Variants in CHRM3 observed in about 807,000 individuals in gnomAD.
CHRM3 encodes the protein muscarinic acetylcholine receptor M3.
A neutral mutation model predicts 41.8 loss-of-function variants in CHRM3; 11 were observed. The observed-to-expected ratio is 0.26, with a 90% CI of 0.17 to 0.44. The LOEUF (loss-of-function observed/expected upper bound fraction) is 0.44, where lower values mean the gene tolerates loss of function less well. Among genes scored for constraint, CHRM3 ranks in the 20% least tolerant of loss-of-function variants. CHRM3 has a pLI of 1.00. For synonymous variants in CHRM3, 297 were observed against 301.4 expected (o/e 0.99, Z 0.15); for missense variants, 571 against 745.4 (o/e 0.77, Z 2.72).
rs12074626 is a variant in CHRM3 at position 239,535,427 on chromosome 1, C to T, written c.-421-10214C>T. 7.9e-4 allele frequency among the ~76,000 whole-genome samples: 119 copies of T among 150,444 alleles called. 1 individual carries two copies. Among genetic ancestry groups the T allele is most frequent in the African/African-American group, 2.4e-3 (98 of 40,850 alleles). On this transcript the variant is annotated intron_variant, in intron 2 of 6. Transcript: ENST00000676153. ...AGTTTAGCTAGAATTTTGAGTGGAG[C>T]GCCAATCACCAAGTCTTACTTAAGA...
At chr1:239,859,413 G>T (rs1265432244) in intron 6 of CHRM3, among the ~76,000 whole-genome samples, 1 of 113,262 alleles carries the variant, frequency 8.8e-6, no homozygotes, top group Non-Finnish European at 1.8e-5. Context: ...TGTTGTTGTT[G>T]TTGTTGTTTT....
At chr1:239,619,203 C>T (rs1422240952) in intron 3 of CHRM3, among the ~76,000 whole-genome samples, 1 of 152,096 alleles carries the variant, frequency 6.6e-6, no homozygotes, top group Non-Finnish European at 1.5e-5. Flanking sequence ...ATGTGAGCCA[C>T]TGCGCCTGAC....
chr1:239,822,806 T>G (rs924972067), intron 5 of CHRM3, among the ~76,000 whole-genome samples: 26 of 152,242 alleles, frequency 1.7e-4, no homozygotes, highest in Non-Finnish European at 3.5e-4. Context: ...CATTAAGTTG[T>G]GCCTTTGTGG....
chr1:239,673,112 G>T (rs1674541052), intron 4 of CHRM3, among the ~76,000 whole-genome samples: 1 of 152,108 alleles, frequency 6.6e-6, no homozygotes. Context: ...AGACAGAATG[G>T]CTTCCCGGAG....
At chr1:239,607,513 A>G (rs1332447991) in intron 3 of CHRM3, among the ~76,000 whole-genome samples, 1 of 152,188 alleles carries the variant, frequency 6.6e-6, no homozygotes, top group African/African-American at 2.4e-5. Flanking sequence ...AATTAATTAT[A>G]GGGTCAGTTT....
At chr1:239,838,650 G>T (rs1056245448) in intron 6 of CHRM3, among the ~76,000 whole-genome samples, 1 of 152,328 alleles carries the variant, frequency 6.6e-6, no homozygotes, top group African/African-American at 2.4e-5. Context: ...TGGTCACAAA[G>T]CTGGTTAGTG....
chr1:239,602,166 G>A (rs922238227), intron 3 of CHRM3, among the ~76,000 whole-genome samples: 9 of 129,386 alleles, frequency 7.0e-5, no homozygotes, highest in East Asian at 6.9e-4. Context: ...ACACAGTTTC[G>A]CTCTGTCTCC....
chr1:239,874,964 G>A (rs1257784274), intron 6 of CHRM3, among the ~76,000 whole-genome samples: 3 of 152,108 alleles, frequency 2.0e-5, no homozygotes, highest in African/African-American at 7.2e-5. Context: ...CTCCCAAAGT[G>A]CTGGGATTAC....
chr1:239,847,753 C>G (rs1674387245), intron 6 of CHRM3, among the ~76,000 whole-genome samples: 1 of 151,676 alleles, frequency 6.6e-6, no homozygotes, highest in African/African-American at 2.4e-5. Context: ...CAGACACAAA[C>G]ACATACAAAA....
intron 6 of CHRM3, among the ~76,000 whole-genome samples, chr1:239,889,482 G>T (rs779079012): frequency 3.9e-5 from 6 of 152,082 alleles, no homozygotes; most frequent in Non-Finnish European, 8.8e-5. Context: ...AGCTGCCGGC[G>T]TTCCCCTGTA....
intron 3 of CHRM3, among the ~76,000 whole-genome samples, chr1:239,580,605 C>T (rs999963284): frequency 4.7e-5 from 7 of 149,318 alleles, no homozygotes; most frequent in Admixed American, 6.8e-5. Context: ...CCAGACCTAT[C>T]GTCAGAATCT....
At chr1:239,749,088 T>C (rs1263716861) in intron 5 of CHRM3, among the ~76,000 whole-genome samples, 1 of 152,218 alleles carries the variant, frequency 6.6e-6, no homozygotes, top group East Asian at 1.9e-4. Flanking sequence ...TACATATTTA[T>C]TTTTCTCCTC....
chr1:239,570,357 C>T (rs573380323), intron 3 of CHRM3, among the ~76,000 whole-genome samples: 8 of 152,158 alleles, frequency 5.3e-5, no homozygotes, highest in Non-Finnish European at 1.2e-4. Context: ...AGTTAAACCT[C>T]ATTCCTTTGT....
intron 1 of CHRM3, among the ~76,000 whole-genome samples, chr1:239,424,828 T>C (rs901223015): frequency 6.6e-6 from 1 of 152,192 alleles, no homozygotes; most frequent in African/African-American, 2.4e-5. Flanking sequence ...TAGGGCTCTT[T>C]AAGCCACATC....
intron 5 of CHRM3, among the ~76,000 whole-genome samples, chr1:239,810,706 G>A (rs6690809): frequency 0.44 from 66,798 of 152,128 alleles, 16,268 homozygotes; most frequent in South Asian, 0.56. Context: ...AAGGCCAAAG[G>A]CACCTTGATC....
At chr1:239,440,185 G>A (rs1455553883) in intron 1 of CHRM3, among the ~76,000 whole-genome samples, 1 of 143,576 alleles carries the variant, frequency 7.0e-6, no homozygotes, top group Admixed American at 7.0e-5. Context: ...GTGACAGAGT[G>A]AGACTCTGTC....
At chr1:239,885,959 G>A (rs1001644475) in intron 6 of CHRM3, 2 of 152,148 alleles carry the variant, frequency 1.3e-5, no homozygotes, top group South Asian at 4.1e-4. Context: ...ATGAAAATAC[G>A]CTGGGAGCTA....
intron 5 of CHRM3, among the ~76,000 whole-genome samples, chr1:239,766,335 A>C (rs1667203446): frequency 6.6e-6 from 1 of 152,204 alleles, no homozygotes; most frequent in Non-Finnish European, 1.5e-5. Context: ...GTTGGAATCT[A>C]AGATAGATAA....
intron 2 of CHRM3, among the ~76,000 whole-genome samples, chr1:239,535,781 A>G (rs1160330686): frequency 6.6e-6 from 1 of 152,032 alleles, no homozygotes; most frequent in African/African-American, 2.4e-5. Flanking sequence ...AGACAACATC[A>G]TGGAGGTCAG....
Sources: allele counts gnomAD v4.1 joint callset (sites outside exome capture counted in the v4.1 genomes callset), GRCh38; gene constraint gnomAD v4.1.1; transcripts MANE v1.5; gene names NCBI Gene and HGNC (gene_info 2026-07-23, HGNC 2026-07-21).